The following ECE1 variants were observed in gnomAD, a reference collection of about 807,000 sequenced individuals.
ECE1 encodes endothelin-converting enzyme 1.
Under a neutral mutation model 98.6 loss-of-function variants are expected in ECE1, and 35 were observed. That is an observed-to-expected ratio of 0.35 (90% CI 0.27 to 0.47). The LOEUF is 0.47. Ranked by LOEUF, ECE1 falls within the 20% of genes least tolerant of loss-of-function variation. The probability of loss-of-function intolerance (pLI) is 1.00; values close to 1 mark genes in which losing one functional copy is unlikely to be tolerated. For synonymous variants in ECE1, 394 were observed against 407.1 expected, an observed-to-expected ratio of 0.97 and a Z score of 0.39; for missense variants, 814 against 1,025.3, an observed-to-expected ratio of 0.79 and a Z score of 2.81.
At position 21,300,752 on chromosome 1, in the gene ECE1, G is replaced by A. The variant is rs571549490; in HGVS notation, c.4-10596C>T. ...TGCCCAGCCCTGAATTACTATTTTT[G>A]CTCCCTTCTGGTAGACTTTTTTTTC... On this transcript the variant is annotated intron_variant, in intron 1 of 18. Coordinates refer to the ECE1 transcript ENST00000415912. 5.9e-5 allele frequency among the ~76,000 whole-genome samples: 9 copies of A among 152,106 alleles called. No homozygotes were observed. In the South Asian group the frequency reaches 1.9e-3, roughly 32 times the overall value.
intron 1 of ECE1, among the ~76,000 whole-genome samples, chr1:21,330,651 T>C (rs1639179834): frequency 1.3e-5 from 2 of 152,212 alleles, no homozygotes. Context: ...ACTCAGCAAA[T>C]GTTGCTTCAG....
At chr1:21,246,498 CAAA>C (rs368916726) in intron 9 of ECE1, among the ~76,000 whole-genome samples, 5 of 96,702 alleles carry the variant, frequency 5.2e-5, no homozygotes, top group Admixed American at 1.1e-4. Context: ...GACTCCATCT[CAAA>C]AAAAAAAAAA....
At chr1:21,259,988 G>T (rs530433929) in intron 5 of ECE1, among the ~76,000 whole-genome samples, 3 of 152,308 alleles carry the variant, frequency 2.0e-5, no homozygotes, top group South Asian at 4.1e-4. Flanking sequence ...CCCACACACA[G>T]ATGCACAGAG....
Position 21,258,647 on chromosome 1 carries a change from A to C in ECE1, c.762+46T>G, listed in dbSNP as rs1449907421. The C allele has an allele frequency of 6.2e-7, 1 of 1,601,866 alleles. No homozygotes were observed. The highest frequency in any genetic ancestry group is 2.3e-5 in the East Asian group (1 of 43,842). ...GTCCTGCTAAACTCAAAACAGGAAG[A>C]GGTCGTGCCCGCCCCCTCGACCGCT... On this transcript the variant is annotated intron_variant, in intron 6 of 18. Transcript: ENST00000374893. The surrounding 1 kb of genome is among the most constrained non-coding windows in gnomAD (Gnocchi z 4.2).
chr1:21,319,173 C>T lies in ECE1; in HGVS notation c.3+26203G>A, dbSNP rs1226184872. On this transcript the variant is annotated intron_variant, in intron 1 of 18. Coordinates refer to the ECE1 transcript ENST00000415912. This position sits in a 1 kb window ranked among gnomAD's most constrained non-coding sequence, Gnocchi z 4.4. ...CAGCTTGGGCAACATGGTGAAACCC[C>T]GTCTCCACTAAAATACAAAAAAGTA... Among the ~76,000 whole-genome samples, 3 of 152,068 alleles carry T rather than the reference C, an allele frequency of 2.0e-5. No homozygotes were observed. Among genetic ancestry groups the T allele is most frequent in the Non-Finnish European group, 4.4e-5 (3 of 68,022 alleles).
intron 1 of ECE1, among the ~76,000 whole-genome samples, chr1:21,297,703 A>G (rs1425410693): frequency 6.8e-6 from 1 of 147,256 alleles, no homozygotes; most frequent in Non-Finnish European, 1.5e-5. Flanking sequence ...TGCCCGGCTA[A>G]TTTTTGTATT....
intron 8 of ECE1, among the ~76,000 whole-genome samples, chr1:21,253,522 G>T (rs1050704215): frequency 1.3e-5 from 2 of 151,584 alleles, no homozygotes; most frequent in Non-Finnish European, 2.9e-5. Flanking sequence ...CAACACTCTG[G>T]GAGGCCGAGG....
chr1:21,240,448 C>T (rs562370611), intron 10 of ECE1, among the ~76,000 whole-genome samples: 6 of 152,282 alleles, frequency 3.9e-5, no homozygotes, highest in African/African-American at 1.4e-4. Flanking sequence ...GATCATACCA[C>T]AGCACTCCAG....
At chr1:21,267,751 A>G (rs1194559695) in intron 4 of ECE1, among the ~76,000 whole-genome samples, 1 of 152,238 alleles carries the variant, frequency 6.6e-6, no homozygotes, top group Non-Finnish European at 1.5e-5. Flanking sequence ...GATAGAAAGC[A>G]TTCATGATGC....
Position 21,345,025 on chromosome 1 carries a change from G to T in ECE1, c.3+351C>A. On this transcript the variant is annotated intron_variant, in intron 1 of 18. Coordinates refer to the ECE1 transcript ENST00000415912. The surrounding 1 kb of genome is among the most constrained non-coding windows in gnomAD (Gnocchi z 5.1). ...GAGCCCGACCCAGCCCGGCTGCCCT[G>T]GGTCTCCAAGCCAAGCTGAGTCCAG... The T allele has an allele frequency of 5.7e-6, 1 of 176,478 alleles. No homozygotes were observed. Among genetic ancestry groups the T allele is most frequent in the Non-Finnish European group, 1.2e-5 (1 of 84,820 alleles). 10.9% of individuals were successfully genotyped at this position (176,478 alleles called of 1,614,324 possible).
At chr1:21,272,347 A>G in intron 4 of ECE1, among the ~76,000 whole-genome samples, 1 of 152,136 alleles carries the variant, frequency 6.6e-6, no homozygotes, top group Non-Finnish European at 1.5e-5. Context: ...GCTGGAGTGC[A>G]GTGGCGCGAT....
At chr1:21,273,074 C>T (rs1037840934) in intron 3 of ECE1, among the ~76,000 whole-genome samples, 163 bp from the exon 4 acceptor site, 3 of 152,234 alleles carry the variant, frequency 2.0e-5, no homozygotes, top group Admixed American at 2.0e-4. Context: ...AAATGATTTC[C>T]GCTTATAACA....
intron 14 of ECE1, among the ~76,000 whole-genome samples, chr1:21,232,607 C>T (rs1002672319): frequency 6.6e-6 from 1 of 151,568 alleles, no homozygotes; most frequent in African/African-American, 2.4e-5. Flanking sequence ...CCTGAGGAGA[C>T]AGTAATAAAA....
rs148809855 is a variant in ECE1, at chr1:21,320,444, T to C, written c.3+24932A>G. Among the ~76,000 whole-genome samples, 19 of 152,310 alleles carry C rather than the reference T, an allele frequency of 1.2e-4. 1 individual carries two copies. The highest frequency in any genetic ancestry group is 4.1e-4 in the African/African-American group (17 of 41,562). On this transcript the variant is annotated intron_variant, in intron 1 of 18. Transcript: ENST00000415912. ...TTAAAAAAAATTTAATACTGTTTTA[T>C]GAGTAATTGAAGAGTTTGGCCAGAA...
intron 1 of ECE1, among the ~76,000 whole-genome samples, chr1:21,311,533 A>G (rs2103390914): frequency 6.7e-6 from 1 of 148,720 alleles, no homozygotes; most frequent in Admixed American, 6.7e-5. Flanking sequence ...AAAAAAAATT[A>G]GCCTGGTGTA....
intron 1 of ECE1, among the ~76,000 whole-genome samples, chr1:21,333,072 A>G (rs1558437446): frequency 6.6e-6 from 1 of 152,124 alleles, no homozygotes; most frequent in Non-Finnish European, 1.5e-5. Context: ...AGGCTCAGAG[A>G]GGAAGACACG....
chr1:21,246,232 G>A (rs1178772927), intron 9 of ECE1, among the ~76,000 whole-genome samples: 1 of 152,044 alleles, frequency 6.6e-6, no homozygotes, highest in Non-Finnish European at 1.5e-5. Flanking sequence ...GGGTGTGGTG[G>A]CTTATGCCTG....
intron 7 of ECE1, among the ~76,000 whole-genome samples, chr1:21,257,149 C>T (rs1404111748): frequency 2.0e-5 from 3 of 152,188 alleles, no homozygotes; most frequent in African/African-American, 7.2e-5. Flanking sequence ...ATACCCTCTT[C>T]TGTAAAAGGC....
chr1:21,225,114 CA>C lies in ECE1; in HGVS notation c.2040+135del. On this transcript the variant is annotated intron_variant, in intron 17 of 18. Transcript: ENST00000374893. This position sits in a 1 kb window ranked among gnomAD's most constrained non-coding sequence, Gnocchi z 5.3. ...CATCGCGATTGGTCCTCGCCACCCC[CA>C]ATTTCGCAGAAGAGGAAACGGAAGC... The C allele has an allele frequency of 8.3e-7, 1 of 1,206,354 alleles. No individual in the cohort carries two copies. The highest frequency in any genetic ancestry group is 1.2e-6 in the Non-Finnish European group (1 of 860,442). The allele number at this position is 1,206,354 out of a possible 1,614,324, so 74.7% of individuals were successfully genotyped here.
Sources: gnomAD v4.1 joint callset for allele counts (sites outside exome capture counted in the v4.1 genomes callset) on GRCh38, gnomAD v4.1.1 for gene constraint, Gnocchi (gnomAD v3.1) non-coding constraint, MANE v1.5 for transcripts, NCBI Gene and HGNC (gene_info 2026-07-23, HGNC 2026-07-21) for gene names.